The following FYTTD1 variants were observed in gnomAD, a reference collection of about 807,000 sequenced individuals.
The protein encoded by FYTTD1 is forty-two-three domain containing 1.
FYTTD1 carries 22 observed loss-of-function variants against 40.9 expected under a neutral mutation model. The ratio of observed to expected loss-of-function variants is 0.54; its 90% CI spans 0.38 to 0.77. FYTTD1 has a LOEUF of 0.77. Ranked by LOEUF, FYTTD1 falls within the 30% of genes least tolerant of loss-of-function variation. FYTTD1 has a pLI of 0.00. For missense variants in FYTTD1, 351 were observed against 392.2 expected (o/e 0.90, Z 0.89); for synonymous variants, 140 against 137.9 (o/e 1.01, Z -0.10).
At position 197,785,633 on chromosome 3, in the gene FYTTD1, TTAA is replaced by T. The variant is rs1248322376; in HGVS notation, c.*3727_*3729del. On this transcript the variant is annotated 3_prime_UTR_variant, in exon 9 of 9. Transcript: ENST00000241502. ...ATTAGACTAGGTATGTATATCATTA[TTAA>T]TATTTTACTGTAAATAGCTTTGTAA... 2 of 152,170 alleles carry T rather than the reference TTAA, an allele frequency of 1.3e-5. No homozygotes were observed. Among genetic ancestry groups the T allele is most frequent in the African/African-American group, 4.8e-5 (2 of 41,440 alleles). The allele number at this position is 152,170 out of a possible 1,614,324, so 9.4% of individuals were successfully genotyped here.
intron 6 of FYTTD1, among the ~76,000 whole-genome samples, chr3:197,774,996 G>GTAACAGTT (rs1318071501): frequency 1.3e-4 from 20 of 152,186 alleles, no homozygotes; most frequent in Admixed American, 1.3e-3. Context: ...TGTCGATATT[G>GTAACAGTT]TAACAGTTTT....
At chr3:197,774,249 C>T (rs1308227057) in intron 6 of FYTTD1, 39 bp downstream of exon 6, 3 of 1,500,124 alleles carry the variant, frequency 2.0e-6, no homozygotes, top group Admixed American at 1.7e-5. Context: ...TATTTCAAAA[C>T]TCCCAGAATA....
intron 6 of FYTTD1, among the ~76,000 whole-genome samples, chr3:197,776,205 ATT>A (rs546104827): frequency 6.1e-4 from 85 of 139,358 alleles, no homozygotes; most frequent in African/African-American, 1.7e-3. Context: ...CATCATAGCA[ATT>A]TTTTTTTTTT....
Position 197,754,846 on chromosome 3 carries a change from T to C in FYTTD1, c.104-1580T>C, listed in dbSNP as rs1486907404. Among the ~76,000 whole-genome samples the C allele has an allele frequency of 2.6e-5, 4 of 152,088 alleles. No individual in the cohort carries two copies. The East Asian group carries it at 7.7e-4, about 29-fold the overall frequency. On this transcript the variant is annotated intron_variant, in intron 1 of 8. Coordinates refer to ENST00000241502, the MANE Select transcript of FYTTD1 (RefSeq NM_032288.7). ...TGCCTGGCTAATTTTTAAAAATTATTTGTGGAGATGAGGTTTTGCTGTGTT... is the reference window on the plus strand; with the variant it reads ...TGCCTGGCTAATTTTTAAAAATTATCTGTGGAGATGAGGTTTTGCTGTGTT...
intron 8 of FYTTD1, among the ~76,000 whole-genome samples, chr3:197,781,003 C>G (rs949421065): frequency 6.6e-6 from 1 of 151,474 alleles, no homozygotes; most frequent in Admixed American, 6.6e-5. Context: ...ATTGAAGATA[C>G]AAAGGATGGA....
intron 6 of FYTTD1, among the ~76,000 whole-genome samples, chr3:197,776,711 A>C (rs183744271): frequency 3.3e-5 from 5 of 152,194 alleles, no homozygotes; most frequent in African/African-American, 1.2e-4. Flanking sequence ...AAATTTGTAT[A>C]CATTTATTAC....
intron 2 of FYTTD1, among the ~76,000 whole-genome samples, chr3:197,757,581 C>T (rs1729247920): frequency 2.0e-5 from 3 of 152,178 alleles, no homozygotes; most frequent in Admixed American, 2.0e-4. Flanking sequence ...CTGAGACCAG[C>T]TTGGGCAACA....
chr3:197,752,503 TACAC>T (rs1323546548), intron 1 of FYTTD1, among the ~76,000 whole-genome samples: 1 of 152,192 alleles, frequency 6.6e-6, no homozygotes, highest in Non-Finnish European at 1.5e-5. Context: ...TTTTTATACA[TACAC>T]TATATGTAGT....
At chr3:197,750,700 T>A in intron 1 of FYTTD1, 1 of 985,374 alleles carries the variant, frequency 1.0e-6, no homozygotes, top group Non-Finnish European at 1.2e-6. Flanking sequence ...TGGGATGTGG[T>A]TGTGTATTGA....
In FYTTD1 at chr3:197,750,406, C is replaced by T. The variant is rs984476709; in HGVS notation, c.103+332C>T. On this transcript the variant is annotated intron_variant, in intron 1 of 8. Transcript: ENST00000241502. ...GGAGGGGCTACGGCTCGCCGCTCGC[C>T]GGCTCTTTGTGAGGAAAGATCTGCC... 4.7e-6 allele frequency: 5 copies of T among 1,053,234 alleles called. No homozygotes were observed. In the African/African-American group the frequency reaches 5.0e-5, roughly 11 times the overall value. The allele number at this position is 1,053,234 out of a possible 1,614,324, so 65.2% of individuals were successfully genotyped here.
At chr3:197,753,194 T>A (rs902539409) in intron 1 of FYTTD1, among the ~76,000 whole-genome samples, 1 of 152,206 alleles carries the variant, frequency 6.6e-6, no homozygotes, top group Non-Finnish European at 1.5e-5. Context: ...GTTACTATGC[T>A]TTGTGAATGT....
rs543620468 is a variant in FYTTD1, at chr3:197,750,019, G to T, written c.48G>T (p.Ser16=). 44 of 1,584,600 alleles carry T rather than the reference G, an allele frequency of 2.8e-5. 1 individual carries two copies. In the South Asian group the frequency reaches 4.4e-4, roughly 16 times the overall value. Residue 16 remains serine, a synonymous_variant, in exon 1 of 9, where the codon TCG becomes TCT. Coordinates refer to ENST00000241502, the MANE Select transcript of FYTTD1 (RefSeq NM_032288.7). ...TRLVGATATS[S]PPPKARSNEN... is the part of the protein sequence containing the mutation. Reference sequence around the variant, plus strand: ...TGGTGGGAGCCACGGCGACTTCTTCGCCGCCGCCGAAGGCCCGCAGCAATG... The same window carrying T: ...TGGTGGGAGCCACGGCGACTTCTTCTCCGCCGCCGAAGGCCCGCAGCAATG...
At chr3:197,751,084 G>C (rs992421763) in intron 1 of FYTTD1, among the ~76,000 whole-genome samples, 2 of 152,176 alleles carry the variant, frequency 1.3e-5, no homozygotes, top group Non-Finnish European at 2.9e-5. Flanking sequence ...AGTGGATTCC[G>C]AGGCGTACCC....
At chr3:197,768,812 A>G (rs1398490481) in intron 3 of FYTTD1, among the ~76,000 whole-genome samples, 1 of 152,178 alleles carries the variant, frequency 6.6e-6, no homozygotes, top group East Asian at 1.9e-4. Context: ...TGTTTTTTAT[A>G]TATAGAGTCT....
intron 3 of FYTTD1, among the ~76,000 whole-genome samples, chr3:197,768,820 T>C (rs1429031248): frequency 1.3e-5 from 2 of 152,156 alleles, no homozygotes; most frequent in African/African-American, 4.8e-5. Context: ...ATATATAGAG[T>C]CTTGCTCTGT....
intron 8 of FYTTD1, among the ~76,000 whole-genome samples, chr3:197,779,730 A>T (rs1729972179): frequency 6.7e-6 from 1 of 149,856 alleles, no homozygotes; most frequent in Non-Finnish European, 1.5e-5. Context: ...ACACCTGAGG[A>T]TACAGGCACA....
At chr3:197,775,183 T>G (rs1729842277) in intron 6 of FYTTD1, among the ~76,000 whole-genome samples, 1 of 152,244 alleles carries the variant, frequency 6.6e-6, no homozygotes, top group South Asian at 2.1e-4. Flanking sequence ...TGTACAACTT[T>G]AAAAACAATA....
rs73210139 is a variant in FYTTD1, at chr3:197,777,303, C to T, written c.731+302C>T. On this transcript the variant is annotated intron_variant, in intron 7 of 8. Transcript: ENST00000241502. Reference sequence around the variant, plus strand: ...GCAAGGTCTGGCTCTGTTACCCAGGCTGGAGTGCAGTGCCATGATCATGGC... The same window carrying T: ...GCAAGGTCTGGCTCTGTTACCCAGGTTGGAGTGCAGTGCCATGATCATGGC... 0.1 allele frequency among the ~76,000 whole-genome samples: 15,851 copies of T among 152,176 alleles called. 1,074 individuals carry two copies. The highest frequency in any genetic ancestry group is 0.19 in the South Asian group (924 of 4,822).
chr3:197,750,187 C>A, intron 1 of FYTTD1, 113 bp downstream of exon 1: 1 of 924,374 alleles, frequency 1.1e-6, no homozygotes, highest in Non-Finnish European at 1.5e-6. Flanking sequence ...GGAGTTTTCT[C>A]GCTGGTGGGC....
Sources: allele counts gnomAD v4.1 joint callset (sites outside exome capture counted in the v4.1 genomes callset), GRCh38; gene constraint gnomAD v4.1.1; transcripts MANE v1.5; gene names NCBI Gene and HGNC (gene_info 2026-07-23, HGNC 2026-07-21).